ROBO2: variants seen among roughly 807,000 people sequenced by gnomAD.
The protein encoded by ROBO2 is roundabout guidance receptor 2.
Under a neutral mutation model 160.8 loss-of-function variants are expected in ROBO2, and 53 were observed. The observed-to-expected ratio is 0.33, with a 90% CI of 0.26 to 0.41. ROBO2 has a LOEUF of 0.41. Ranked by LOEUF, ROBO2 falls within the 10% of genes least tolerant of loss-of-function variation. The pLI is 1.00. For synonymous variants in ROBO2, 664 were observed against 611.7 expected (o/e 1.09, Z -1.26); for missense variants, 1,577 against 1,722.4 (o/e 0.92, Z 1.49).
In ROBO2 at chr3:76,273,114, CATAT is replaced by C. The variant is rs1347080990; in HGVS notation, c.109+335514_109+335517del. Among the ~76,000 whole-genome samples the C allele has an allele frequency of 1.9e-3, 204 of 106,676 alleles. 5 individuals are homozygous for C. The highest frequency in any genetic ancestry group is 0.019 in the East Asian group (71 of 3,786). The allele number at this position is 106,676 out of a possible 152,430, so 70.0% of individuals were successfully genotyped here. A position where few individuals can be genotyped will look rare whatever the true frequency, so the allele number is the denominator to read the frequency against. Reference sequence around the variant, plus strand: ...AAATACACACACATATACACACACACATATAAATATATATATATATATATATATA... The same window carrying C: ...AAATACACACACATATACACACACACAAATATATATATATATATATATATA... On this transcript the variant is annotated intron_variant, in intron 2 of 26. Transcript: ENST00000487694.
At chr3:76,608,080 TAC>T (rs1006962387) in intron 2 of ROBO2, among the ~76,000 whole-genome samples, 1 of 152,262 alleles carries the variant, frequency 6.6e-6, no homozygotes, top group Non-Finnish European at 1.5e-5. Context: ...CATAAAGTTT[TAC>T]AGTCTTCTGG....
At chr3:76,625,072 C>A (rs2089529574) in intron 2 of ROBO2, among the ~76,000 whole-genome samples, 1 of 152,062 alleles carries the variant, frequency 6.6e-6, no homozygotes, top group African/African-American at 2.4e-5. Context: ...CTCCTCGCCT[C>A]ATTTTTTTCT....
intron 1 of ROBO2, among the ~76,000 whole-genome samples, chr3:77,060,672 A>G (rs1358976175): frequency 1.3e-5 from 2 of 152,194 alleles, no homozygotes; most frequent in Non-Finnish European, 2.9e-5. Flanking sequence ...CAGCAGCTCA[A>G]GTGTCATCAG....
At chr3:76,119,907 TCCCTCCCTC>T (rs2070657742) in intron 2 of ROBO2, among the ~76,000 whole-genome samples, 8 of 76,500 alleles carry the variant, frequency 1.0e-4, no homozygotes, top group African/African-American at 5.3e-4. Flanking sequence ...TTCCCTTCCT[TCCCTCCCTC>T]CCTTCCTTCC....
At chr3:76,825,292 T>C (rs1433951032) in intron 2 of ROBO2, among the ~76,000 whole-genome samples, 1 of 152,164 alleles carries the variant, frequency 6.6e-6, no homozygotes, top group Non-Finnish European at 1.5e-5. Context: ...ACTGGCACAC[T>C]GGACATGTTG....
intron 2 of ROBO2, among the ~76,000 whole-genome samples, chr3:76,559,866 T>G (rs2084051527): frequency 6.6e-6 from 1 of 152,124 alleles, no homozygotes; most frequent in South Asian, 2.1e-4. Context: ...ATGGCACAAA[T>G]TCTTCCCCAA....
Position 77,588,639 on chromosome 3 carries a change from A to G in ROBO2, c.2501-112A>G, listed in dbSNP as rs771566992. 1,193 of 1,010,328 alleles carry G rather than the reference A, an allele frequency of 1.2e-3. 3 individuals carry two copies. The highest frequency in any genetic ancestry group is 1.6e-3 in the Non-Finnish European group (1,075 of 670,560). The allele number at this position is 1,010,328 out of a possible 1,614,324, so 62.6% of individuals were successfully genotyped here. On this transcript the variant is annotated intron_variant, in intron 16 of 25. Coordinates refer to ENST00000461745, the Ensembl canonical transcript of ROBO2. Reference sequence around the variant, plus strand: ...AATACTTGTGATAGGCTCAAAACTAAACAAGCATTTCCTGCCTTCAAATAA... The same window carrying G: ...AATACTTGTGATAGGCTCAAAACTAGACAAGCATTTCCTGCCTTCAAATAA...
chr3:77,383,289 A>G (rs2073746919), intron 2 of ROBO2, among the ~76,000 whole-genome samples: 1 of 152,264 alleles, frequency 6.6e-6, no homozygotes, highest in East Asian at 1.9e-4. Context: ...CAAAGTTTAG[A>G]CACATACTGC....
chr3:75,919,162 T>A (rs544972203), intron 1 of ROBO2, among the ~76,000 whole-genome samples: 1 of 152,316 alleles, frequency 6.6e-6, no homozygotes, highest in East Asian at 1.9e-4. Context: ...TAGCATGATA[T>A]TAGCTATGCA....
At chr3:76,153,643 A>G (rs1030148322) in intron 2 of ROBO2, among the ~76,000 whole-genome samples, 2 of 152,124 alleles carry the variant, frequency 1.3e-5, no homozygotes, top group East Asian at 3.9e-4. Context: ...TACAATCCTC[A>G]TGGCTTAACA....
At chr3:77,320,085 A>G (rs746420271) in intron 2 of ROBO2, among the ~76,000 whole-genome samples, 1 of 152,196 alleles carries the variant, frequency 6.6e-6, no homozygotes, top group Non-Finnish European at 1.5e-5. Flanking sequence ...GCAGCTGCAT[A>G]TTTTAATTCA....
intron 2 of ROBO2, among the ~76,000 whole-genome samples, chr3:77,425,868 G>C (rs1560798590): frequency 2.0e-5 from 3 of 151,854 alleles, no homozygotes; most frequent in Non-Finnish European, 4.4e-5. Context: ...TCACCATGTT[G>C]GCAAGGCTGA....
chr3:77,300,181 GA>G (rs1231803837), intron 2 of ROBO2, among the ~76,000 whole-genome samples: 1 of 132,994 alleles, frequency 7.5e-6, no homozygotes, highest in South Asian at 2.5e-4. Context: ...GTAGGGAAAT[GA>G]ATTTTTTTTT....
intron 2 of ROBO2, among the ~76,000 whole-genome samples, chr3:77,274,804 A>C (rs1352042630): frequency 2.0e-5 from 3 of 152,132 alleles, no homozygotes; most frequent in Admixed American, 6.5e-5. Context: ...TCATTTTGTG[A>C]GTGAATAATC....
At chr3:77,425,265 A>T (rs78890782) in intron 2 of ROBO2, among the ~76,000 whole-genome samples, 10,478 of 152,254 alleles carry the variant, frequency 0.069, 532 homozygotes, top group Non-Finnish European at 0.1. Flanking sequence ...GAGATATATA[A>T]TAATTACAGA....
chr3:77,373,398 T>C (rs62252673), intron 2 of ROBO2, among the ~76,000 whole-genome samples: 39,743 of 151,624 alleles, frequency 0.26, 6,635 homozygotes, highest in Non-Finnish European at 0.37. Context: ...TTTGGCCTTG[T>C]TGAACTGAAA....
intron 2 of ROBO2, among the ~76,000 whole-genome samples, chr3:77,121,076 C>T (rs2074716017): frequency 6.6e-6 from 1 of 152,072 alleles, no homozygotes; most frequent in Admixed American, 6.5e-5. Flanking sequence ...TCCCAAGCAG[C>T]TGGGATTACA....
chr3:76,237,275 T>C (rs955974450), intron 2 of ROBO2, among the ~76,000 whole-genome samples: 1 of 152,194 alleles, frequency 6.6e-6, no homozygotes, highest in South Asian at 2.1e-4. Context: ...CTACATTACC[T>C]AAGATGGAAT....
chr3:77,375,501 A>G lies in ROBO2; in HGVS notation c.389-101913A>G, dbSNP rs549726626. ...TTCCTTTAAATTCTTCTCTTTACAC[A>G]TGACGATTTCACTTGTGTTGACTAG... On this transcript the variant is annotated intron_variant, in intron 2 of 25. Transcript: ENST00000461745. 1.4e-4 allele frequency among the ~76,000 whole-genome samples: 21 copies of G among 152,254 alleles called. 1 individual carries two copies. The South Asian group carries it at 4.3e-3, about 32-fold the overall frequency.
Sources: gnomAD v4.1 joint callset for allele counts (sites outside exome capture counted in the v4.1 genomes callset) on GRCh38, gnomAD v4.1.1 for gene constraint, MANE v1.5 for transcripts, NCBI Gene and HGNC (gene_info 2026-07-23, HGNC 2026-07-21) for gene names.